TBC1D1: variants seen among roughly 807,000 people sequenced by gnomAD.
TBC1D1 encodes TBC1 domain family member 1.
Under a neutral mutation model 125.6 loss-of-function variants are expected in TBC1D1, and 89 were observed. The ratio of observed to expected loss-of-function variants is 0.71; its 90% CI spans 0.60 to 0.85. The LOEUF (loss-of-function observed/expected upper bound fraction) is 0.85, where lower values mean the gene tolerates loss of function less well. TBC1D1 is among the 40% of genes least tolerant of loss of function. The probability of loss-of-function intolerance (pLI) is 0.00; values close to 1 mark genes in which losing one functional copy is unlikely to be tolerated. For missense variants in TBC1D1, 1,377 were observed against 1,469.2 expected, an observed-to-expected ratio of 0.94 and a Z score of 1.03; for synonymous variants, 565 against 564.1, an observed-to-expected ratio of 1.00 and a Z score of -0.02.
intron 2 of TBC1D1, among the ~76,000 whole-genome samples, chr4:37,938,987 C>T (rs969397470): frequency 2.9e-4 from 44 of 152,272 alleles, no homozygotes; most frequent in African/African-American, 4.1e-4. Flanking sequence ...AATAAACATA[C>T]GTGTGCATGT....
At chr4:38,052,590 C>G (rs1750824272) in intron 11 of TBC1D1, among the ~76,000 whole-genome samples, 1 of 152,100 alleles carries the variant, frequency 6.6e-6, no homozygotes, top group African/African-American at 2.4e-5. Flanking sequence ...CTGCCTCAGT[C>G]TCCCAAAGTG....
At chr4:37,897,228 G>C (rs1373166192) in intron 1 of TBC1D1, among the ~76,000 whole-genome samples, 1 of 152,086 alleles carries the variant, frequency 6.6e-6, no homozygotes, top group Non-Finnish European at 1.5e-5. Context: ...AATAATTGCA[G>C]TTTTTGCCAT....
chr4:38,054,874 C>T (rs937677613), intron 12 of TBC1D1: 3 of 155,064 alleles, frequency 1.9e-5, no homozygotes. Context: ...GGTGGGCTGT[C>T]CGCATGTGCA....
intron 6 of TBC1D1, 112 bp from the exon 7 acceptor site, chr4:38,027,676 G>A: frequency 1.8e-6 from 1 of 556,964 alleles, no homozygotes; most frequent in Non-Finnish European, 3.2e-6. Context: ...CTAAAACCTT[G>A]GAAGTCTGAA....
chr4:37,893,088 G>T (rs150077530), intron 1 of TBC1D1, among the ~76,000 whole-genome samples: 7 of 152,338 alleles, frequency 4.6e-5, no homozygotes, highest in African/African-American at 1.7e-4. Flanking sequence ...TGTGTTCACA[G>T]CAGCATCTTC....
At chr4:38,010,980 A>C (rs1672757665) in intron 2 of TBC1D1, among the ~76,000 whole-genome samples, 2 of 152,248 alleles carry the variant, frequency 1.3e-5, no homozygotes, top group Admixed American at 1.3e-4. Context: ...CAAATAGGTG[A>C]GTCCAGGACA....
intron 2 of TBC1D1, among the ~76,000 whole-genome samples, chr4:37,993,793 G>T (rs1578190323): frequency 6.6e-6 from 1 of 152,202 alleles, no homozygotes; most frequent in East Asian, 1.9e-4. Context: ...TGTTGGCCAG[G>T]CTGGTCTCGA....
At position 38,097,676 on chromosome 4, in the gene TBC1D1, C is replaced by A. The variant is rs572505191; in HGVS notation, c.2398+1586C>A. Among the ~76,000 whole-genome samples, 9 of 152,080 alleles carry A rather than the reference C, an allele frequency of 5.9e-5. No homozygotes were observed. The South Asian group carries it at 1.9e-3, about 32-fold the overall frequency. ...TGTTTTTACTAGAGACGGGTTTTCACTGTGTTGGCAAGGCTGGTCTTGAAC... is the reference window on the plus strand; with the variant it reads ...TGTTTTTACTAGAGACGGGTTTTCAATGTGTTGGCAAGGCTGGTCTTGAAC... On this transcript the variant is annotated intron_variant, in intron 14 of 19. Transcript: ENST00000261439.
intron 8 of TBC1D1, among the ~76,000 whole-genome samples, chr4:38,040,217 G>A (rs889006858): frequency 7.9e-5 from 12 of 152,138 alleles, no homozygotes; most frequent in Non-Finnish European, 1.5e-4. Context: ...GCATACAAAT[G>A]CACTTCTGTC....
chr4:38,035,423 C>T lies in TBC1D1; in HGVS notation c.1303-165C>T, dbSNP rs375594590. 7.2e-5 allele frequency among the ~76,000 whole-genome samples: 11 copies of T among 152,322 alleles called. 1 individual carries two copies. The highest frequency in any genetic ancestry group is 2.2e-4 in the African/African-American group (9 of 41,578). ...ATCTGGCCCACTGGCTCCACTGTTC[C>T]TTTTTAAAAATTCTCTCTACTTTTA... is the stretch of plus-strand genomic sequence containing the variant. On this transcript the variant is annotated intron_variant, in intron 7 of 19. Coordinates refer to ENST00000261439, the MANE Select transcript of TBC1D1 (RefSeq NM_015173.4).
intron 3 of TBC1D1, 125 bp downstream of exon 3, chr4:38,015,098 A>T: frequency 1.2e-6 from 1 of 811,214 alleles, no homozygotes. Flanking sequence ...ATATATTTTC[A>T]TGCTGAACAA....
chr4:38,019,681 G>A (rs778929662), intron 4 of TBC1D1, among the ~76,000 whole-genome samples: 11 of 152,048 alleles, frequency 7.2e-5, no homozygotes, highest in Non-Finnish European at 1.2e-4. Flanking sequence ...TATGGCAGAC[G>A]TTTTATCTGT....
intron 2 of TBC1D1, among the ~76,000 whole-genome samples, chr4:37,974,119 G>A (rs1389760326): frequency 7.2e-5 from 11 of 152,216 alleles, no homozygotes; most frequent in African/African-American, 2.2e-4. Context: ...GGCTGCAAAT[G>A]CACTCCCTTT....
chr4:38,081,408 C>T (rs1206237597), intron 12 of TBC1D1, among the ~76,000 whole-genome samples: 5 of 151,602 alleles, frequency 3.3e-5, no homozygotes, highest in African/African-American at 9.7e-5. Context: ...CCTATTTCTA[C>T]GTGACCATGG....
At chr4:37,988,499 G>A (rs181370210) in intron 2 of TBC1D1, among the ~76,000 whole-genome samples, 133 of 152,248 alleles carry the variant, frequency 8.7e-4, no homozygotes, top group Middle Eastern at 3.4e-3. Flanking sequence ...TCCTCTAAGC[G>A]GTTGACGATT....
chr4:38,033,172 C>T (rs1746506866), intron 7 of TBC1D1, among the ~76,000 whole-genome samples: 1 of 152,102 alleles, frequency 6.6e-6, no homozygotes, highest in Non-Finnish European at 1.5e-5. Flanking sequence ...ATTAATACTC[C>T]TCCTCTTACT....
rs138595483 is a variant in TBC1D1 at position 38,073,252 on chromosome 4, G to T, written c.2051-16680G>T. Among the ~76,000 whole-genome samples the T allele has an allele frequency of 5.0e-3, 762 of 152,292 alleles. 2 individuals are homozygous for T. The highest frequency in any genetic ancestry group is 8.4e-3 in the Non-Finnish European group (571 of 68,024). On this transcript the variant is annotated intron_variant, in intron 12 of 19. Coordinates refer to ENST00000261439, the MANE Select transcript of TBC1D1 (RefSeq NM_015173.4). ...CCACCAACAGTGCCCAAGGGCTCCA[G>T]TTCCTCTACACCCTCACCCACACTT... is the stretch of plus-strand genomic sequence containing the variant.
At chr4:38,127,362 C>T (rs894411605) in intron 18 of TBC1D1, among the ~76,000 whole-genome samples, 1 of 151,450 alleles carries the variant, frequency 6.6e-6, no homozygotes, top group African/African-American at 2.4e-5. Flanking sequence ...TTGGAAGTTG[C>T]CATTCATTTT....
intron 2 of TBC1D1, among the ~76,000 whole-genome samples, chr4:37,974,973 T>G (rs759439219): frequency 6.6e-6 from 1 of 151,884 alleles, no homozygotes; most frequent in African/African-American, 2.4e-5. Context: ...GGTTGGTGGG[T>G]TTTTTCCCCG....
Sources: allele counts gnomAD v4.1 joint callset (sites outside exome capture counted in the v4.1 genomes callset), GRCh38; gene constraint gnomAD v4.1.1; transcripts MANE v1.5; gene names NCBI Gene and HGNC (gene_info 2026-07-23, HGNC 2026-07-21).